The following HFM1 variants were observed in gnomAD, a reference collection of about 807,000 sequenced individuals.
HFM1 encodes probable ATP-dependent DNA helicase HFM1.
In HFM1, 169 loss-of-function variants were observed where a neutral mutation model predicts 192.1. The observed-to-expected ratio is 0.88, with a 90% CI of 0.78 to 1.00. HFM1 has a LOEUF of 1.00. Ranked by LOEUF, HFM1 falls within the 50% of genes least tolerant of loss-of-function variation. The pLI is 0.00. For missense variants in HFM1, 1,661 were observed against 1,668.0 expected, an observed-to-expected ratio of 1.00 and a Z score of 0.07; for synonymous variants, 525 against 537.8, an observed-to-expected ratio of 0.98 and a Z score of 0.33.
At chr1:91,333,569 G>A (rs1308719136) in intron 20 of HFM1, among the ~76,000 whole-genome samples, 4 of 151,944 alleles carry the variant, frequency 2.6e-5, no homozygotes, top group South Asian at 4.2e-4. Context: ...ACAGGGTGAC[G>A]ATAGTCAATA....
chr1:91,342,064 G>A (rs1213429475), intron 20 of HFM1, among the ~76,000 whole-genome samples: 4 of 147,836 alleles, frequency 2.7e-5, no homozygotes. Flanking sequence ...AATTTGAGGA[G>A]GGACTCCTCC....
intron 30 of HFM1, among the ~76,000 whole-genome samples, chr1:91,309,122 G>A (rs1208077878): frequency 2.0e-5 from 3 of 152,120 alleles, no homozygotes; most frequent in Admixed American, 6.5e-5. Flanking sequence ...TTCTAAATGC[G>A]TTCTTCCTGT....
chr1:91,280,061 T>C (rs562081374), intron 30 of HFM1, among the ~76,000 whole-genome samples: 101 of 152,300 alleles, frequency 6.6e-4, no homozygotes, highest in Non-Finnish European at 1.2e-3. Context: ...TATATTAATG[T>C]ATATATTATA....
At chr1:91,297,014 C>A (rs1270336870) in intron 30 of HFM1, among the ~76,000 whole-genome samples, 1 of 152,250 alleles carries the variant, frequency 6.6e-6, no homozygotes, top group Non-Finnish European at 1.5e-5. Flanking sequence ...CCGGGAAGCA[C>A]AAGGGGTCAG....
chr1:91,273,912 T>G, intron 33 of HFM1, 97 bp from the exon 34 acceptor site: 1 of 695,542 alleles, frequency 1.4e-6, no homozygotes, highest in Non-Finnish European at 2.4e-6. Context: ...TAATGATTTA[T>G]CCATTTAACA....
chr1:91,338,087 G>A (rs2101598111), intron 20 of HFM1, among the ~76,000 whole-genome samples: 1 of 152,306 alleles, frequency 6.6e-6, no homozygotes, highest in East Asian at 1.9e-4. Flanking sequence ...CTGGGGAAGG[G>A]TGAGTTAAAC....
At chr1:91,343,088 G>A (rs1365976422) in intron 20 of HFM1, among the ~76,000 whole-genome samples, 4 of 151,836 alleles carry the variant, frequency 2.6e-5, no homozygotes, top group Admixed American at 6.6e-5. Context: ...AAAATTGGCC[G>A]GGCATGGTGG....
intron 21 of HFM1, among the ~76,000 whole-genome samples, chr1:91,323,866 C>G (rs564918024): frequency 6.6e-6 from 1 of 152,178 alleles, no homozygotes; most frequent in Non-Finnish European, 1.5e-5. Flanking sequence ...TTCTATTTTT[C>G]ATCAATTGTT....
At chr1:91,348,631 A>G (rs944567581) in intron 18 of HFM1, among the ~76,000 whole-genome samples, 2 of 152,250 alleles carry the variant, frequency 1.3e-5, no homozygotes, top group East Asian at 3.8e-4. Context: ...TACAAAAAAA[A>G]GCTTCCAGCC....
intron 30 of HFM1, among the ~76,000 whole-genome samples, chr1:91,309,386 A>G (rs1410013733): frequency 6.6e-6 from 1 of 152,242 alleles, no homozygotes; most frequent in Non-Finnish European, 1.5e-5. Context: ...TTATTATAAA[A>G]CAAAATTAAT....
chr1:91,275,201 T>G (rs1666697937), intron 32 of HFM1, among the ~76,000 whole-genome samples: 1 of 152,098 alleles, frequency 6.6e-6, no homozygotes, highest in Non-Finnish European at 1.5e-5. Flanking sequence ...GCCAGGCTGG[T>G]CTCGAACTCC....
chr1:91,284,582 C>T (rs188429826), intron 30 of HFM1, among the ~76,000 whole-genome samples: 1 of 152,116 alleles, frequency 6.6e-6, no homozygotes, highest in Non-Finnish European at 1.5e-5. Context: ...AATAATACTG[C>T]AAATGAAGAT....
intron 30 of HFM1, among the ~76,000 whole-genome samples, chr1:91,284,966 T>C (rs1050889739): frequency 6.6e-6 from 1 of 152,112 alleles, no homozygotes; most frequent in Non-Finnish European, 1.5e-5. Flanking sequence ...CTGGGGGAGA[T>C]AATTGAATCA....
intron 13 of HFM1, among the ~76,000 whole-genome samples, chr1:91,373,163 A>T (rs1295553142): frequency 2.6e-5 from 4 of 151,256 alleles, no homozygotes; most frequent in Non-Finnish European, 5.9e-5. Context: ...AAAAACAAAG[A>T]ATGTAAAGAA....
At chr1:91,321,749 T>C (rs1652147930) in intron 23 of HFM1, among the ~76,000 whole-genome samples, 1 of 152,156 alleles carries the variant, frequency 6.6e-6, no homozygotes, top group Non-Finnish European at 1.5e-5. Flanking sequence ...AATTATGATA[T>C]GTATAAAAAC....
intron 13 of HFM1, among the ~76,000 whole-genome samples, chr1:91,372,289 G>A (rs1249489085): frequency 5.9e-5 from 9 of 152,264 alleles, no homozygotes; most frequent in South Asian, 2.1e-4. Context: ...ACATGTGCAC[G>A]TGTGTTTATT....
intron 4 of HFM1, among the ~76,000 whole-genome samples, chr1:91,392,982 T>C (rs1287142096): frequency 6.6e-6 from 1 of 152,102 alleles, no homozygotes; most frequent in African/African-American, 2.4e-5. Context: ...GGTGAAAATG[T>C]TTTAAAATTA....
chr1:91,367,642 T>C (rs908432113), intron 13 of HFM1, among the ~76,000 whole-genome samples: 3 of 150,766 alleles, frequency 2.0e-5, no homozygotes, highest in African/African-American at 7.3e-5. Flanking sequence ...GATAAAACCA[T>C]AAAGATGGGG....
intron 30 of HFM1, among the ~76,000 whole-genome samples, chr1:91,310,937 G>C (rs1002027698): frequency 6.6e-6 from 1 of 152,178 alleles, no homozygotes; most frequent in Non-Finnish European, 1.5e-5. Context: ...TGGGGACATT[G>C]CTGAAAAGAT....
Sources: allele counts gnomAD v4.1 joint callset (sites outside exome capture counted in the v4.1 genomes callset), GRCh38; gene constraint gnomAD v4.1.1; transcripts MANE v1.5; gene names NCBI Gene and HGNC (gene_info 2026-07-23, HGNC 2026-07-21).